RYR2: variants seen among roughly 807,000 people sequenced by gnomAD.
RYR2 encodes the protein ryanodine receptor 2, also known as cardiac muscle ryanodine receptor-calcium release channel.
In RYR2, 227 loss-of-function variants were observed where a neutral mutation model predicts 601.1. The ratio of observed to expected loss-of-function variants is 0.38; its 90% CI spans 0.34 to 0.42. RYR2 has a LOEUF of 0.42. Ranked by LOEUF, RYR2 falls within the 10% of genes least tolerant of loss-of-function variation. The pLI, the probability that RYR2 is intolerant of heterozygous loss-of-function variation, is 1.00. For missense variants in RYR2, 4,646 were observed against 6,156.5 expected (o/e 0.75, Z 8.21); for synonymous variants, 2,223 against 2,175.1 (o/e 1.02, Z -0.61).
intron 24 of RYR2, among the ~76,000 whole-genome samples, chr1:237,515,914 T>G: frequency 8.1e-6 from 1 of 123,822 alleles, no homozygotes; most frequent in South Asian, 2.7e-4. Flanking sequence ...CTCCCTCTTC[T>G]CCCTCTCCCT....
rs181677283 is a variant in RYR2 at position 237,641,626 on chromosome 1, A to G, written c.7221+624A>G. On this transcript the variant is annotated intron_variant, in intron 47 of 104. Coordinates refer to ENST00000366574, the MANE Select transcript of RYR2 (RefSeq NM_001035.3). ...GCATGATCTCAGCTCACTGCAATCT[A>G]TGCCTCCCAGGTTCAAGTGATTCTC... 8.3e-4 allele frequency among the ~76,000 whole-genome samples: 126 copies of G among 151,082 alleles called. 1 individual carries two copies. The highest frequency in any genetic ancestry group is 4.2e-3 in the Admixed American group (64 of 15,172).
intron 1 of RYR2, among the ~76,000 whole-genome samples, chr1:237,257,234 A>G (rs1688082839): frequency 1.3e-5 from 2 of 152,152 alleles, no homozygotes; most frequent in African/African-American, 4.8e-5. Context: ...CCACCTGCGC[A>G]TCCATGAGCA....
chr1:237,522,673 A>G (rs1558964408), intron 24 of RYR2, among the ~76,000 whole-genome samples: 4 of 152,236 alleles, frequency 2.6e-5, no homozygotes, highest in Admixed American at 2.6e-4. Context: ...CAAATGAATG[A>G]ATTAATAAAT....
intron 89 of RYR2, among the ~76,000 whole-genome samples, chr1:237,783,338 TTA>T (rs1360838655): frequency 6.6e-6 from 1 of 152,140 alleles, no homozygotes; most frequent in African/African-American, 2.4e-5. Context: ...GAGCAAATGT[TTA>T]TTTTTATTAT....
chr1:237,430,574 AT>A (rs1706707781), intron 12 of RYR2, among the ~76,000 whole-genome samples: 1 of 151,996 alleles, frequency 6.6e-6, no homozygotes. Context: ...ACAGAGAGAA[AT>A]TTTTTCTTTA....
intron 36 of RYR2, among the ~76,000 whole-genome samples, chr1:237,612,460 AAAG>A (rs1335592860): frequency 6.6e-6 from 1 of 152,200 alleles, no homozygotes; most frequent in African/African-American, 2.4e-5. Flanking sequence ...TTTTAAAACA[AAAG>A]AAAATCAAAG....
chr1:237,378,991 C>T lies in RYR2; in HGVS notation c.576+1556C>T, dbSNP rs138079482. ...AATGTAGGTAGAAATAGTCACCATGCGAATTTCTAGGACAATACAGGTGTG... is the reference window on the plus strand; with the variant it reads ...AATGTAGGTAGAAATAGTCACCATGTGAATTTCTAGGACAATACAGGTGTG... On this transcript the variant is annotated intron_variant, in intron 8 of 104. Transcript: ENST00000366574. Among the ~76,000 whole-genome samples the T allele has an allele frequency of 4.9e-3, 740 of 152,198 alleles. 7 individuals are homozygous for T. The highest frequency in any genetic ancestry group is 0.016 in the African/African-American group (679 of 41,530).
intron 62 of RYR2, among the ~76,000 whole-genome samples, chr1:237,682,741 CT>C (rs1455943673): frequency 1.3e-5 from 2 of 152,084 alleles, no homozygotes; most frequent in Admixed American, 6.6e-5. Flanking sequence ...TTTTCTTCTA[CT>C]AATAGAAAAA....
intron 73 of RYR2, among the ~76,000 whole-genome samples, chr1:237,722,836 A>G (rs1962329): frequency 6.6e-6 from 1 of 152,190 alleles, no homozygotes; most frequent in Non-Finnish European, 1.5e-5. Flanking sequence ...ACAAATTAGC[A>G]TATCTATCTC....
At chr1:237,440,290 CGTTT>C (rs1707790897) in intron 12 of RYR2, among the ~76,000 whole-genome samples, 1 of 151,954 alleles carries the variant, frequency 6.6e-6, no homozygotes. Context: ...TCAAAACATT[CGTTT>C]AACTATAATT....
chr1:237,350,596 A>T (rs1171842344), intron 3 of RYR2, among the ~76,000 whole-genome samples: 1,488 of 87,428 alleles, frequency 0.017, 63 homozygotes, highest in African/African-American at 0.067. Flanking sequence ...AAAAAAAAAA[A>T]AAAAAAATAT....
intron 1 of RYR2, among the ~76,000 whole-genome samples, chr1:237,269,285 C>T (rs189013260): frequency 2.7e-3 from 413 of 151,704 alleles, no homozygotes; most frequent in African/African-American, 9.6e-3. Flanking sequence ...TCAGGTGAGC[C>T]GCCTGCCTCG....
At chr1:237,342,729 G>C (rs1007529552) in intron 3 of RYR2, among the ~76,000 whole-genome samples, 2 of 152,098 alleles carry the variant, frequency 1.3e-5, no homozygotes, top group Non-Finnish European at 2.9e-5. Context: ...ACTGTAGAAG[G>C]GTCCTTTGCT....
intron 8 of RYR2, among the ~76,000 whole-genome samples, chr1:237,385,330 GTGT>G (rs1166617824): frequency 1.3e-5 from 2 of 152,104 alleles, no homozygotes; most frequent in Admixed American, 1.3e-4. Flanking sequence ...TATATAAAAA[GTGT>G]TGTGTGTAAT....
chr1:237,335,076 T>G (rs978915855), intron 3 of RYR2, among the ~76,000 whole-genome samples: 1 of 152,198 alleles, frequency 6.6e-6, no homozygotes, highest in Non-Finnish European at 1.5e-5. Flanking sequence ...CTTCCTTCTC[T>G]GGGACATAGC....
At chr1:237,210,299 A>G (rs183645315) in intron 1 of RYR2, among the ~76,000 whole-genome samples, 7 of 152,316 alleles carry the variant, frequency 4.6e-5, no homozygotes, top group Admixed American at 4.6e-4. Flanking sequence ...ACTATTTCAT[A>G]TTAGAGAATC....
chr1:237,681,404 G>A (rs1685872410), intron 62 of RYR2, among the ~76,000 whole-genome samples: 1 of 152,124 alleles, frequency 6.6e-6, no homozygotes, highest in Non-Finnish European at 1.5e-5. Flanking sequence ...TCCGTGAGAG[G>A]GTGGAGAAGT....
Position 237,590,803 on chromosome 1 carries a change from G to T in RYR2, c.3971G>T (p.Gly1324Val). The change falls in exon 31 of 105, where the codon GGG becomes GTG. Residue 1324 changes from glycine to valine, a missense_variant. By Grantham distance (109) the Gly-to-Val change is moderately radical. Coordinates refer to ENST00000366574, the MANE Select transcript of RYR2 (RefSeq NM_001035.3). ...FSKTVAGGLP[G>V]AGLFGPKNDL... ...AAGACGGTGGCTGGAGGGCTCCCTG[G>T]GGCTGGCCTTTTTGGGCCCAAGAAT... The T allele has an allele frequency of 6.2e-7, 1 of 1,613,834 alleles. No homozygotes were observed. The highest frequency in any genetic ancestry group is 8.5e-7 in the Non-Finnish European group (1 of 1,179,840).
intron 80 of RYR2, among the ~76,000 whole-genome samples, chr1:237,748,991 G>A (rs550199360): frequency 1.8e-4 from 28 of 152,242 alleles, no homozygotes; most frequent in Middle Eastern, 3.4e-3. Context: ...GATGTACGTA[G>A]GTTAAGTGCA....
Sources: gnomAD v4.1 joint callset for allele counts (sites outside exome capture counted in the v4.1 genomes callset) on GRCh38, gnomAD v4.1.1 for gene constraint, MANE v1.5 for transcripts, NCBI Gene and HGNC (gene_info 2026-07-23, HGNC 2026-07-21) for gene names.